GRIK2: variants seen among roughly 807,000 people sequenced by gnomAD.
GRIK2 encodes glutamate ionotropic receptor kainate type subunit 2.
A neutral mutation model predicts 100.3 loss-of-function variants in GRIK2; 32 were observed. That is an observed-to-expected ratio of 0.32 (90% CI 0.24 to 0.43). The LOEUF (loss-of-function observed/expected upper bound fraction) is 0.43, where lower values mean the gene tolerates loss of function less well. Ranked by LOEUF, GRIK2 falls within the 20% of genes least tolerant of loss-of-function variation. The pLI is 1.00. For synonymous variants in GRIK2, 417 were observed against 389.4 expected (o/e 1.07, Z -0.83); for missense variants, 843 against 1,114.9 (o/e 0.76, Z 3.47).
intron 7 of GRIK2, among the ~76,000 whole-genome samples, chr6:101,706,977 A>G (rs1773348654): frequency 1.3e-5 from 2 of 151,878 alleles, no homozygotes; most frequent in Non-Finnish European, 2.9e-5. Context: ...CTAAGAAGAT[A>G]TGGATTTTCT....
At chr6:101,832,423 A>G (rs1782761236) in intron 10 of GRIK2, among the ~76,000 whole-genome samples, 1 of 152,210 alleles carries the variant, frequency 6.6e-6, no homozygotes, top group African/African-American at 2.4e-5. Flanking sequence ...TTCTGAAGCA[A>G]TTTAGGATAA....
Position 102,069,320 on chromosome 6 carries a change from A to AATAATG in GRIK2, c.*814_*815insGATAAT, listed in dbSNP as rs1401253546. On this transcript the variant is annotated 3_prime_UTR_variant, in exon 17 of 17. Transcript: ENST00000369134. ...AAATAATAATAATAATAATAATAAT[A>AATAATG]ATAATAATAATAATAATAAAAGCAG... 6.8e-6 allele frequency: 1 copy of AATAATG among 147,602 alleles called. No homozygotes were observed. The highest frequency in any genetic ancestry group is 1.5e-5 in the Non-Finnish European group (1 of 67,022). 9.1% of individuals were successfully genotyped at this position (147,602 alleles called of 1,614,324 possible). A position where few individuals can be genotyped will look rare whatever the true frequency, so the allele number is the denominator to read the frequency against.
chr6:101,781,607 C>T (rs1188257391), intron 7 of GRIK2, among the ~76,000 whole-genome samples: 1 of 151,684 alleles, frequency 6.6e-6, no homozygotes, highest in Non-Finnish European at 1.5e-5. Context: ...CATATACATA[C>T]ATACATTATG....
chr6:101,434,587 G>A (rs950566308), intron 2 of GRIK2, among the ~76,000 whole-genome samples: 3 of 151,878 alleles, frequency 2.0e-5, no homozygotes, highest in Non-Finnish European at 2.9e-5. Context: ...TAGCTCTATC[G>A]AGTTTAACAG....
intron 12 of GRIK2, among the ~76,000 whole-genome samples, chr6:101,895,567 G>T (rs1582478432): frequency 6.6e-6 from 1 of 151,812 alleles, no homozygotes; most frequent in Non-Finnish European, 1.5e-5. Context: ...GGACAACATT[G>T]AATTATTATG....
intron 5 of GRIK2, among the ~76,000 whole-genome samples, chr6:101,680,744 G>A (rs1345070326): frequency 6.6e-6 from 1 of 152,076 alleles, no homozygotes; most frequent in African/African-American, 2.4e-5. Flanking sequence ...TGGAGATAGG[G>A]AGCCATCTGA....
In GRIK2 at chr6:101,730,970, G is replaced by C. The variant is rs190871289; in HGVS notation, c.951+44617G>C. 4.6e-5 allele frequency among the ~76,000 whole-genome samples: 7 copies of C among 151,992 alleles called. No individual in the cohort carries two copies. The South Asian group carries it at 6.2e-4, about 14-fold the overall frequency. Reference sequence around the variant, plus strand: ...ACTGCGATTTACTTGAATGTTAGTCGTCAAAGTGATATCAAATCTTATCAC... The same window carrying C: ...ACTGCGATTTACTTGAATGTTAGTCCTCAAAGTGATATCAAATCTTATCAC... On this transcript the variant is annotated intron_variant, in intron 7 of 16. Coordinates refer to ENST00000369134, the MANE Select transcript of GRIK2 (RefSeq NM_021956.5).
At chr6:101,517,415 G>T (rs1774641011) in intron 2 of GRIK2, among the ~76,000 whole-genome samples, 1 of 152,136 alleles carries the variant, frequency 6.6e-6, no homozygotes, top group Non-Finnish European at 1.5e-5. Context: ...CTGGTAGAGC[G>T]AAGGACCGTA....
intron 7 of GRIK2, among the ~76,000 whole-genome samples, chr6:101,713,150 G>A (rs896031351): frequency 1.3e-5 from 2 of 151,678 alleles, no homozygotes; most frequent in African/African-American, 4.8e-5. Context: ...ATGACGAAAG[G>A]CCAGCATCCA....
chr6:101,607,948 A>G (rs945894688), intron 2 of GRIK2, among the ~76,000 whole-genome samples: 1 of 151,706 alleles, frequency 6.6e-6, no homozygotes, highest in Admixed American at 6.6e-5. Context: ...CCACACCAAG[A>G]TTACCTTTCT....
chr6:101,752,454 G>C (rs62419271), intron 7 of GRIK2, among the ~76,000 whole-genome samples: 2,046 of 152,230 alleles, frequency 0.013, 17 homozygotes, highest in Non-Finnish European at 0.023. Context: ...GGTACTCATT[G>C]CTTTCGACTT....
intron 2 of GRIK2, among the ~76,000 whole-genome samples, chr6:101,583,214 G>C (rs62419652): frequency 0.056 from 8,517 of 152,140 alleles, 330 homozygotes; most frequent in South Asian, 0.12. Flanking sequence ...AGCCAATAAA[G>C]GGGAGTCGGC....
intron 13 of GRIK2, 104 bp downstream of exon 13, chr6:101,924,823 A>C: frequency 1.4e-6 from 1 of 711,908 alleles, no homozygotes; most frequent in Non-Finnish European, 2.6e-6. Context: ...GCCTCTGTGC[A>C]TGTAACCATA....
intron 14 of GRIK2, among the ~76,000 whole-genome samples, chr6:101,949,327 C>T (rs936119232): frequency 6.6e-6 from 1 of 151,944 alleles, no homozygotes; most frequent in Non-Finnish European, 1.5e-5. Context: ...TTAATTTACA[C>T]ACTCAGGTTT....
intron 2 of GRIK2, among the ~76,000 whole-genome samples, chr6:101,547,850 G>A (rs1198781799): frequency 1.3e-5 from 2 of 151,890 alleles, no homozygotes; most frequent in Non-Finnish European, 2.9e-5. Flanking sequence ...TGAGATGGCT[G>A]GGTCAAATGG....
At chr6:101,405,704 G>A (rs1415126808) in intron 2 of GRIK2, among the ~76,000 whole-genome samples, 1 of 152,154 alleles carries the variant, frequency 6.6e-6, no homozygotes, top group South Asian at 2.1e-4. Flanking sequence ...TGAAGAAAGG[G>A]TAGATCACTG....
At chr6:102,041,686 G>T (rs1269607855) in intron 15 of GRIK2, among the ~76,000 whole-genome samples, 1 of 151,242 alleles carries the variant, frequency 6.6e-6, no homozygotes, top group African/African-American at 2.4e-5. Flanking sequence ...TCACATAATT[G>T]GATTGTGATA....
intron 12 of GRIK2, among the ~76,000 whole-genome samples, chr6:101,904,845 TGATCA>T (rs1788116739): frequency 6.6e-6 from 1 of 151,538 alleles, no homozygotes; most frequent in Non-Finnish European, 1.5e-5. Context: ...TCTTTATAAA[TGATCA>T]GTACTCAAGG....
At chr6:101,551,317 G>A (rs1019283039) in intron 2 of GRIK2, among the ~76,000 whole-genome samples, 14 of 152,054 alleles carry the variant, frequency 9.2e-5, no homozygotes, top group African/African-American at 3.4e-4. Flanking sequence ...AGGATGGGGG[G>A]TGGTGGTGGT....
Sources: allele counts gnomAD v4.1 joint callset (sites outside exome capture counted in the v4.1 genomes callset), GRCh38; gene constraint gnomAD v4.1.1; transcripts MANE v1.5; gene names NCBI Gene and HGNC (gene_info 2026-07-23, HGNC 2026-07-21).